The following STK39 variants were observed in gnomAD, a reference collection of about 807,000 sequenced individuals.
The protein encoded by STK39 is serine/threonine kinase 39.
In STK39, 20 loss-of-function variants were observed where a neutral mutation model predicts 77.8. The ratio of observed to expected loss-of-function variants is 0.26; its 90% CI spans 0.18 to 0.37. The LOEUF (loss-of-function observed/expected upper bound fraction) is 0.37. STK39 is among the 10% of genes least tolerant of loss of function. STK39 has a pLI of 1.00. For missense variants in STK39, 479 were observed against 656.5 expected, an observed-to-expected ratio of 0.73 and a Z score of 2.95; for synonymous variants, 246 against 234.1, an observed-to-expected ratio of 1.05 and a Z score of -0.47.
At chr2:168,106,152 G>C (rs1686968174) in intron 10 of STK39, among the ~76,000 whole-genome samples, 1 of 152,206 alleles carries the variant, frequency 6.6e-6, no homozygotes, top group Non-Finnish European at 1.5e-5. Context: ...TGTTTTTAAA[G>C]TAATGATACT....
At chr2:168,182,481 G>A (rs949324915) in intron 1 of STK39, among the ~76,000 whole-genome samples, 1 of 152,164 alleles carries the variant, frequency 6.6e-6, no homozygotes, top group Non-Finnish European at 1.5e-5. Flanking sequence ...GCTTTCATGA[G>A]AAGCTGAGAT....
At chr2:168,118,810 T>G (rs6433033) in intron 10 of STK39, among the ~76,000 whole-genome samples, 99,556 of 151,864 alleles carry the variant, frequency 0.66, 34,076 homozygotes, top group Non-Finnish European at 0.78. Context: ...GCAATTCCTG[T>G]CCAGATTCTT....
At chr2:168,082,881 C>G (rs967335261) in intron 10 of STK39, among the ~76,000 whole-genome samples, 1 of 152,220 alleles carries the variant, frequency 6.6e-6, no homozygotes, top group African/African-American at 2.4e-5. Context: ...TGACACTTCT[C>G]CAGTGTTGTC....
intron 10 of STK39, among the ~76,000 whole-genome samples, chr2:168,078,558 A>G (rs978319234): frequency 6.6e-6 from 1 of 152,194 alleles, no homozygotes; most frequent in Non-Finnish European, 1.5e-5. Flanking sequence ...CCCCTGACAC[A>G]GGAATGGGGA....
intron 16 of STK39, among the ~76,000 whole-genome samples, chr2:167,982,946 G>A (rs1683460353): frequency 1.3e-5 from 2 of 152,122 alleles, no homozygotes; most frequent in South Asian, 4.1e-4. Context: ...AACTAGTAAA[G>A]GCCAAGGTAG....
At chr2:168,245,290 G>A (rs990882683) in intron 1 of STK39, among the ~76,000 whole-genome samples, 1 of 152,056 alleles carries the variant, frequency 6.6e-6, no homozygotes, top group Non-Finnish European at 1.5e-5. Context: ...CCCTCCTTCG[G>A]GCTCTCCCAG....
At chr2:168,045,657 C>T (rs1685220376) in intron 14 of STK39, among the ~76,000 whole-genome samples, 1 of 152,154 alleles carries the variant, frequency 6.6e-6, no homozygotes, top group African/African-American at 2.4e-5. Flanking sequence ...GAATCTTTTC[C>T]TGTCACCCTA....
chr2:168,181,844 A>G, intron 2 of STK39, 134 bp downstream of exon 2: 1 of 656,568 alleles, frequency 1.5e-6, no homozygotes, highest in South Asian at 1.8e-5. Context: ...GGGGAGCAGG[A>G]AGTGGTAGGG....
intron 14 of STK39, among the ~76,000 whole-genome samples, chr2:168,019,651 T>C (rs1185432251): frequency 1.3e-5 from 2 of 152,138 alleles, no homozygotes; most frequent in Admixed American, 6.5e-5. Context: ...AGTGGGAGGA[T>C]GGTTTGTGTG....
intron 1 of STK39, among the ~76,000 whole-genome samples, chr2:168,222,301 A>T (rs558060125): frequency 1.3e-5 from 2 of 152,056 alleles, no homozygotes; most frequent in Non-Finnish European, 2.9e-5. Context: ...TAAACCTCCC[A>T]ATGTCCCCAT....
Position 168,018,498 on chromosome 2 carries a change from TAAGAAAAGA to T in STK39, c.1377-1412_1377-1404del, listed in dbSNP as rs937163884. Among the ~76,000 whole-genome samples, 381 of 105,020 alleles carry T rather than the reference TAAGAAAAGA, an allele frequency of 3.6e-3. 4 individuals carry two copies. Among genetic ancestry groups the T allele is most frequent in the African/African-American group, 6.9e-3 (198 of 28,638 alleles). The allele number at this position is 105,020 out of a possible 152,430, so 68.9% of individuals were successfully genotyped here. ...GCAGAGCAAGAGTTCATCTCATTTTTAAGAAAAGAAAGAAAAGAAAGAAAAGAAAGAAAA... is the reference window on the plus strand; with the variant it reads ...GCAGAGCAAGAGTTCATCTCATTTTTAAGAAAAGAAAGAAAAGAAAGAAAA... On this transcript the variant is annotated intron_variant, in intron 14 of 17. Transcript: ENST00000355999.
rs188902200 is a variant in STK39, at chr2:168,189,592, C to T, written c.209-7502G>A. 6.1e-3 allele frequency among the ~76,000 whole-genome samples: 929 copies of T among 152,214 alleles called. 9 individuals are homozygous for T. Among genetic ancestry groups the T allele is most frequent in the African/African-American group, 0.02 (830 of 41,514 alleles). On this transcript the variant is annotated intron_variant, in intron 1 of 17. Coordinates refer to ENST00000355999, the MANE Select transcript of STK39 (RefSeq NM_013233.3). ...TTCAAGCCAGCCACCAGATGAGTTG[C>T]ATGTGTGAGATAAGGAGCTAAAAAA...
intron 14 of STK39, among the ~76,000 whole-genome samples, chr2:168,018,594 G>GAAAGAAAGAAAGAAAGAAAT (rs1452217033): frequency 6.1e-5 from 9 of 148,330 alleles, no homozygotes; most frequent in African/African-American, 2.2e-4. Context: ...AAGAAAGAAA[G>GAAAGAAAGAAAGAAAGAAAT]AAAGAAATTG....
intron 10 of STK39, among the ~76,000 whole-genome samples, chr2:168,118,984 C>T (rs1188959512): frequency 6.6e-6 from 1 of 152,158 alleles, no homozygotes; most frequent in African/African-American, 2.4e-5. Context: ...CTGTAACAGC[C>T]CCAGTGAAAT....
At chr2:168,070,782 T>G (rs1414524399) in intron 12 of STK39, among the ~76,000 whole-genome samples, 1 of 152,156 alleles carries the variant, frequency 6.6e-6, no homozygotes, top group African/African-American at 2.4e-5. Context: ...AACTCATCCT[T>G]TTTTTAATAC....
At chr2:168,112,134 C>T (rs937061887) in intron 10 of STK39, among the ~76,000 whole-genome samples, 2 of 151,316 alleles carry the variant, frequency 1.3e-5, no homozygotes, top group Non-Finnish European at 2.9e-5. Flanking sequence ...AAAAAAAACA[C>T]TGAACCAGGA....
At chr2:168,141,883 G>A (rs556547829) in intron 5 of STK39, among the ~76,000 whole-genome samples, 1 of 152,280 alleles carries the variant, frequency 6.6e-6, no homozygotes, top group East Asian at 1.9e-4. Context: ...GTTAGTTTAT[G>A]CAATTGTAAC....
At chr2:168,106,291 T>C (rs1340977672) in intron 10 of STK39, among the ~76,000 whole-genome samples, 4 of 152,200 alleles carry the variant, frequency 2.6e-5, no homozygotes, top group Non-Finnish European at 5.9e-5. Flanking sequence ...AATTCTGAGA[T>C]ATAACAGTAT....
chr2:168,009,642 T>C (rs1308528133), intron 16 of STK39, among the ~76,000 whole-genome samples: 1 of 152,132 alleles, frequency 6.6e-6, no homozygotes, highest in Non-Finnish European at 1.5e-5. Flanking sequence ...GATGTGATGA[T>C]CAAATGAAAT....
Sources: allele counts gnomAD v4.1 joint callset (sites outside exome capture counted in the v4.1 genomes callset), GRCh38; gene constraint gnomAD v4.1.1; transcripts MANE v1.5; gene names NCBI Gene and HGNC (gene_info 2026-07-23, HGNC 2026-07-21).